Variants in ANKFN1 observed in about 807,000 individuals in gnomAD.
ANKFN1 encodes ankyrin repeat and fibronectin type III domain containing 1.
ANKFN1 carries 74 observed loss-of-function variants against 108.7 expected under a neutral mutation model. The ratio of observed to expected loss-of-function variants is 0.68; its 90% CI spans 0.56 to 0.83. The LOEUF is 0.83. ANKFN1 is among the 40% of genes least tolerant of loss of function. The probability of loss-of-function intolerance (pLI) is 0.00; values close to 1 mark genes in which losing one functional copy is unlikely to be tolerated. For synonymous variants in ANKFN1, 547 were observed against 516.2 expected (o/e 1.06, Z -0.81); for missense variants, 1,505 against 1,382.3 (o/e 1.09, Z -1.41).
intron 1 of ANKFN1, among the ~76,000 whole-genome samples, chr17:56,181,683 G>A (rs894535690): frequency 2.0e-5 from 3 of 152,178 alleles, no homozygotes; most frequent in South Asian, 2.1e-4. Flanking sequence ...CAACCATTAC[G>A]TATGCATGTA....
chr17:56,448,658 T>C (rs1222167716), intron 10 of ANKFN1, among the ~76,000 whole-genome samples: 1 of 152,158 alleles, frequency 6.6e-6, no homozygotes, highest in Non-Finnish European at 1.5e-5. Flanking sequence ...GTGGATTTCA[T>C]CTAGTCTGCA....
chr17:56,342,029 G>T (rs115583007), intron 4 of ANKFN1, among the ~76,000 whole-genome samples: 6,229 of 151,828 alleles, frequency 0.041, 236 homozygotes, highest in African/African-American at 0.1. Context: ...TTGGTTCAGT[G>T]TTGGGAGGGT....
intron 11 of ANKFN1, among the ~76,000 whole-genome samples, chr17:56,453,742 T>C (rs2049577870): frequency 6.6e-6 from 1 of 152,184 alleles, no homozygotes; most frequent in Non-Finnish European, 1.5e-5. Context: ...GTATTTATTC[T>C]ACTTAACATT....
At chr17:56,434,953 T>A (rs947989002) in intron 8 of ANKFN1, among the ~76,000 whole-genome samples, 6 of 152,298 alleles carry the variant, frequency 3.9e-5, no homozygotes, top group African/African-American at 1.4e-4. Flanking sequence ...GTAAGAATGC[T>A]GTTTTGGTTC....
At chr17:56,238,152 G>T (rs1006269238) in intron 3 of ANKFN1, among the ~76,000 whole-genome samples, 2 of 152,068 alleles carry the variant, frequency 1.3e-5, no homozygotes, top group Non-Finnish European at 2.9e-5. Context: ...TGTTTGATAT[G>T]ATTTCAGTTC....
chr17:56,509,594 G>T (rs949670122), intron 20 of ANKFN1, among the ~76,000 whole-genome samples: 1 of 152,178 alleles, frequency 6.6e-6, no homozygotes, highest in African/African-American at 2.4e-5. Context: ...AAGTGCGTTG[G>T]TGTCCCAATT....
At chr17:56,204,271 T>A (rs1165954227) in intron 1 of ANKFN1, among the ~76,000 whole-genome samples, 1 of 152,150 alleles carries the variant, frequency 6.6e-6, no homozygotes, top group East Asian at 1.9e-4. Flanking sequence ...CGTCTCGAAC[T>A]TCTGATCTCA....
At chr17:56,091,190 T>C (rs1905409985) in intron 4 of ANKFN1, among the ~76,000 whole-genome samples, 1 of 150,848 alleles carries the variant, frequency 6.6e-6, no homozygotes. Context: ...AGATATAAAG[T>C]CCTATACCAA....
chr17:56,449,051 C>A lies in ANKFN1; in HGVS notation c.1100-28C>A, dbSNP rs962656000. 4 of 1,599,974 alleles carry A rather than the reference C, an allele frequency of 2.5e-6. No individual in the cohort carries two copies. The African/African-American group carries it at 5.4e-5, about 21-fold the overall frequency. On this transcript the variant is annotated intron_variant, in intron 10 of 20. Transcript: ENST00000682825. Reference sequence around the variant, plus strand: ...AGAGGCCTCCCCTGTTTTAAAATTTCACTATGTTTATTTCTTTTGTTCAAT... The same window carrying A: ...AGAGGCCTCCCCTGTTTTAAAATTTAACTATGTTTATTTCTTTTGTTCAAT...
At chr17:56,416,177 G>A (rs532729341) in intron 8 of ANKFN1, among the ~76,000 whole-genome samples, 13 of 152,160 alleles carry the variant, frequency 8.5e-5, no homozygotes, top group South Asian at 4.2e-4. Context: ...GTAATATCCC[G>A]CAAGCATAGG....
At chr17:56,085,691 T>A (rs1423831400) in intron 4 of ANKFN1, among the ~76,000 whole-genome samples, 1 of 151,346 alleles carries the variant, frequency 6.6e-6, no homozygotes, top group Non-Finnish European at 1.5e-5. Flanking sequence ...CGCAAGGGAC[T>A]TTCATGAAGC....
At chr17:56,319,636 A>G (rs2045307618) in intron 3 of ANKFN1, among the ~76,000 whole-genome samples, 2 of 152,192 alleles carry the variant, frequency 1.3e-5, no homozygotes, top group South Asian at 4.1e-4. Context: ...TTATGACCAA[A>G]TCTAGTGCAT....
intron 1 of ANKFN1, among the ~76,000 whole-genome samples, chr17:56,167,859 C>G (rs571186240): frequency 6.6e-6 from 1 of 152,144 alleles, no homozygotes; most frequent in Non-Finnish European, 1.5e-5. Flanking sequence ...ATGGCCAACA[C>G]AGAAGTGACC....
intron 8 of ANKFN1, among the ~76,000 whole-genome samples, chr17:56,382,167 G>C (rs568626136): frequency 3.5e-4 from 53 of 152,262 alleles, no homozygotes; most frequent in African/African-American, 1.0e-3. Flanking sequence ...GAGAATGGGG[G>C]CCAATATTCA....
chr17:56,249,724 G>C (rs1351051186), intron 3 of ANKFN1, among the ~76,000 whole-genome samples: 1 of 152,188 alleles, frequency 6.6e-6, no homozygotes, highest in Non-Finnish European at 1.5e-5. Context: ...CCCATAGAGG[G>C]CCCTGGTAAA....
intron 3 of ANKFN1, among the ~76,000 whole-genome samples, chr17:56,264,609 A>G (rs974221420): frequency 6.6e-6 from 1 of 152,188 alleles, no homozygotes; most frequent in Non-Finnish European, 1.5e-5. Context: ...CTCAGGAATA[A>G]CGAATAACAA....
At chr17:56,471,152 C>G (rs932003353) in intron 15 of ANKFN1, 4 of 152,410 alleles carry the variant, frequency 2.6e-5, no homozygotes, top group Non-Finnish European at 5.9e-5. Context: ...CAAGGAAGTA[C>G]CTTGTCAAGT....
chr17:56,436,609 A>T (rs944108141), intron 8 of ANKFN1, among the ~76,000 whole-genome samples: 1 of 152,022 alleles, frequency 6.6e-6, no homozygotes, highest in Non-Finnish European at 1.5e-5. Flanking sequence ...TGATCACCTG[A>T]GATCAGGAGT....
chr17:56,326,941 T>A (rs2045532856), intron 4 of ANKFN1, among the ~76,000 whole-genome samples: 1 of 152,222 alleles, frequency 6.6e-6, no homozygotes, highest in East Asian at 1.9e-4. Context: ...TGGACATGTA[T>A]TTAAATCCTT....
Sources: allele counts gnomAD v4.1 joint callset (sites outside exome capture counted in the v4.1 genomes callset), GRCh38; gene constraint gnomAD v4.1.1; transcripts MANE v1.5; gene names NCBI Gene and HGNC (gene_info 2026-07-23, HGNC 2026-07-21).